UNC5C: variants seen among roughly 807,000 people sequenced by gnomAD.
The protein encoded by UNC5C is netrin receptor UNC5C.
In UNC5C, 47 loss-of-function variants were observed where a neutral mutation model predicts 99.8. The ratio of observed to expected loss-of-function variants is 0.47; its 90% CI spans 0.37 to 0.60. The LOEUF (loss-of-function observed/expected upper bound fraction) is 0.60. Ranked by LOEUF, UNC5C falls within the 20% of genes least tolerant of loss-of-function variation. The probability of loss-of-function intolerance (pLI) is 0.00; values close to 1 mark genes in which losing one functional copy is unlikely to be tolerated. For missense variants in UNC5C, 1,062 were observed against 1,165.9 expected (o/e 0.91, Z 1.30); for synonymous variants, 487 against 452.2 (o/e 1.08, Z -0.98).
intron 12 of UNC5C, among the ~76,000 whole-genome samples, 177 bp from the exon 13 acceptor site, chr4:95,185,373 C>T (rs527962621): frequency 6.6e-6 from 1 of 152,278 alleles, no homozygotes; most frequent in Admixed American, 6.5e-5. Context: ...AAAGCCCCTC[C>T]CATTTTGTAT....
chr4:95,213,642 G>C (rs1424391213), intron 10 of UNC5C, among the ~76,000 whole-genome samples: 1 of 152,194 alleles, frequency 6.6e-6, no homozygotes, highest in Non-Finnish European at 1.5e-5. Flanking sequence ...TGACCAGCTG[G>C]ATACCATCCA....
chr4:95,472,329 T>C (rs1210947467), intron 1 of UNC5C, among the ~76,000 whole-genome samples: 4 of 152,166 alleles, frequency 2.6e-5, no homozygotes, highest in African/African-American at 4.8e-5. Context: ...AATATTCTTA[T>C]ATGAGATAGA....
chr4:95,511,622 T>A (rs143941760), intron 1 of UNC5C, among the ~76,000 whole-genome samples: 158 of 152,204 alleles, frequency 1.0e-3, no homozygotes, highest in African/African-American at 3.4e-3. Context: ...GCATAACCTC[T>A]ATTTAGGTTT....
intron 1 of UNC5C, among the ~76,000 whole-genome samples, chr4:95,468,874 TC>T (rs1747879475): frequency 6.6e-6 from 1 of 152,164 alleles, no homozygotes; most frequent in Admixed American, 6.6e-5. Context: ...TAAAAGGCAG[TC>T]CCTTTTTGGC....
intron 1 of UNC5C, among the ~76,000 whole-genome samples, chr4:95,354,776 C>T (rs887431331): frequency 2.0e-5 from 3 of 151,900 alleles, no homozygotes; most frequent in African/African-American, 7.3e-5. Context: ...TGTGAGTCAC[C>T]ATGCCCAGCC....
At chr4:95,448,731 T>G (rs1190297089) in intron 1 of UNC5C, among the ~76,000 whole-genome samples, 1 of 152,174 alleles carries the variant, frequency 6.6e-6, no homozygotes, top group African/African-American at 2.4e-5. Context: ...TATATGCTAA[T>G]GTCATTACAC....
chr4:95,388,488 C>T (rs969402441), intron 1 of UNC5C, among the ~76,000 whole-genome samples: 5 of 152,084 alleles, frequency 3.3e-5, no homozygotes, highest in African/African-American at 1.2e-4. Context: ...AATAAACAAA[C>T]CGGGGATGAG....
intron 3 of UNC5C, among the ~76,000 whole-genome samples, chr4:95,298,477 G>A (rs561016179): frequency 6.6e-6 from 1 of 152,134 alleles, no homozygotes; most frequent in Non-Finnish European, 1.5e-5. Context: ...CCTCACTGCT[G>A]TCTTTGGGAC....
At chr4:95,300,745 A>G (rs959974721) in intron 3 of UNC5C, among the ~76,000 whole-genome samples, 1 of 152,176 alleles carries the variant, frequency 6.6e-6, no homozygotes, top group Non-Finnish European at 1.5e-5. Flanking sequence ...AAAAGGAAAA[A>G]AATTGAACTC....
chr4:95,496,734 T>C (rs1461259979), intron 1 of UNC5C, among the ~76,000 whole-genome samples: 1 of 151,854 alleles, frequency 6.6e-6, no homozygotes, highest in Non-Finnish European at 1.5e-5. Context: ...GGTTCTTGGT[T>C]ACATGGATAA....
rs540702925 is a variant in UNC5C, at chr4:95,331,986, T to C, written c.346+3424A>G. 1.3e-3 allele frequency among the ~76,000 whole-genome samples: 204 copies of C among 152,000 alleles called. 1 individual carries two copies. The highest frequency in any genetic ancestry group is 4.7e-3 in the African/African-American group (194 of 41,494). ...CCATTCACAATTGCTTCAAAGAGAA[T>C]AAAATACCTAGGAATCCAACTTACA... On this transcript the variant is annotated intron_variant, in intron 2 of 15. Transcript: ENST00000453304.
chr4:95,513,221 C>A (rs962388869), intron 1 of UNC5C, among the ~76,000 whole-genome samples: 1 of 152,142 alleles, frequency 6.6e-6, no homozygotes, highest in Non-Finnish European at 1.5e-5. Context: ...GTGGGCTGCT[C>A]TGGTGGGAGA....
At chr4:95,245,719 T>C (rs566281464) in intron 5 of UNC5C, among the ~76,000 whole-genome samples, 1 of 152,330 alleles carries the variant, frequency 6.6e-6, no homozygotes, top group African/African-American at 2.4e-5. Flanking sequence ...TGGCGATTAG[T>C]TGATATTGAA....
At chr4:95,193,204 T>G (rs546577923) in intron 12 of UNC5C, among the ~76,000 whole-genome samples, 1 of 152,290 alleles carries the variant, frequency 6.6e-6, no homozygotes, top group Admixed American at 6.5e-5. Flanking sequence ...AGGCCAGGCA[T>G]CAGCAGCAGA....
chr4:95,341,396 C>T (rs1043445510), intron 1 of UNC5C, among the ~76,000 whole-genome samples: 9 of 148,518 alleles, frequency 6.1e-5, no homozygotes, highest in Non-Finnish European at 1.2e-4. Flanking sequence ...CCTAGAAGGG[C>T]AAGCAAATAA....
chr4:95,172,825 T>A (rs1178455099), intron 14 of UNC5C, among the ~76,000 whole-genome samples: 4 of 152,194 alleles, frequency 2.6e-5, no homozygotes, highest in African/African-American at 9.7e-5. Flanking sequence ...ATAGATTACC[T>A]TGGGCAGTAT....
At chr4:95,268,890 A>G (rs560079577) in intron 4 of UNC5C, among the ~76,000 whole-genome samples, 1 of 152,320 alleles carries the variant, frequency 6.6e-6, no homozygotes, top group African/African-American at 2.4e-5. Flanking sequence ...AAGAATGGAG[A>G]TTTAGCCTAG....
chr4:95,311,880 C>A (rs1312128930), intron 2 of UNC5C, among the ~76,000 whole-genome samples: 2 of 152,050 alleles, frequency 1.3e-5, no homozygotes, highest in Non-Finnish European at 2.9e-5. Flanking sequence ...CCTGTCTCTA[C>A]AAATAAAAAT....
chr4:95,230,477 T>C (rs1319827833), intron 7 of UNC5C, among the ~76,000 whole-genome samples: 6 of 152,336 alleles, frequency 3.9e-5, no homozygotes, highest in African/African-American at 1.4e-4. Context: ...TTGGCTTTTG[T>C]TGCCATTGCT....
Sources: allele counts gnomAD v4.1 joint callset (sites outside exome capture counted in the v4.1 genomes callset), GRCh38; gene constraint gnomAD v4.1.1; transcripts MANE v1.5; gene names NCBI Gene and HGNC (gene_info 2026-07-23, HGNC 2026-07-21).